The following GPR158 variants were observed in gnomAD, a reference collection of about 807,000 sequenced individuals.
GPR158 encodes metabotropic glycine receptor.
GPR158 carries 30 observed loss-of-function variants against 78.2 expected under a neutral mutation model. The ratio of observed to expected loss-of-function variants is 0.38; its 90% CI spans 0.29 to 0.52. GPR158 has a LOEUF of 0.52. Among genes scored for constraint, GPR158 ranks in the 20% least tolerant of loss-of-function variants. The pLI is 0.83. For synonymous variants in GPR158, 581 were observed against 591.1 expected (o/e 0.98, Z 0.25); for missense variants, 1,463 against 1,523.5 (o/e 0.96, Z 0.66).
At chr10:25,445,031 T>C (rs1230853754) in intron 4 of GPR158, among the ~76,000 whole-genome samples, 3 of 152,134 alleles carry the variant, frequency 2.0e-5, no homozygotes, top group African/African-American at 7.2e-5. Context: ...ATAACTAATA[T>C]TTAAACTTGA....
Position 25,598,584 on chromosome 10 carries a change from C to T in GPR158, c.2958C>T (p.Ala986=). ...AACAAAGGGTCAACCCCACCACTGC[C>T]AATTCTGACCTGAACCCAGGCACCA... is the stretch of plus-strand genomic sequence containing the variant. ...MKQQRVNPTT[A]NSDLNPGTTQ... is the part of the protein sequence containing the mutation. The change falls in exon 11 of 11, where the codon GCC becomes GCT. Residue 986 remains alanine (A), a synonymous_variant. Coordinates refer to ENST00000376351, the MANE Select transcript of GPR158 (RefSeq NM_020752.3). 1 of 1,613,940 alleles carries T rather than the reference C, an allele frequency of 6.2e-7. No homozygotes were observed. The highest frequency in any genetic ancestry group is 2.2e-5 in the East Asian group (1 of 44,844).
chr10:25,318,400 A>C (rs907419690), intron 2 of GPR158, among the ~76,000 whole-genome samples: 1 of 151,566 alleles, frequency 6.6e-6, no homozygotes, highest in Non-Finnish European at 1.5e-5. Flanking sequence ...ATCTATTAGG[A>C]CTTCTTTCTC....
chr10:25,206,865 A>G (rs1853046393), intron 1 of GPR158, among the ~76,000 whole-genome samples: 1 of 150,756 alleles, frequency 6.6e-6, no homozygotes, highest in Admixed American at 6.6e-5. Context: ...TTGTGAGCTA[A>G]CAAGCTTATT....
chr10:25,574,341 C>T (rs12246035), intron 7 of GPR158, among the ~76,000 whole-genome samples: 70,763 of 151,598 alleles, frequency 0.47, 16,974 homozygotes, highest in African/African-American at 0.54. Flanking sequence ...ATTATATAAT[C>T]GATAGTAACC....
intron 5 of GPR158, among the ~76,000 whole-genome samples, chr10:25,544,263 T>G (rs908339573): frequency 2.0e-5 from 3 of 150,698 alleles, no homozygotes; most frequent in Admixed American, 2.0e-4. Context: ...GCCCCTAGTA[T>G]CAGAAAGAGA....
chr10:25,334,982 G>C (rs1280024190), intron 2 of GPR158, among the ~76,000 whole-genome samples: 2 of 152,026 alleles, frequency 1.3e-5, no homozygotes, highest in Non-Finnish European at 2.9e-5. Flanking sequence ...GGATCTCATA[G>C]TGAATGCAAA....
intron 5 of GPR158, among the ~76,000 whole-genome samples, chr10:25,519,786 T>C (rs1836233803): frequency 1.3e-5 from 1 of 79,212 alleles, no homozygotes; most frequent in Non-Finnish European, 2.2e-5. Context: ...ACCCGACCTT[T>C]CTCTCTGGCT....
At chr10:25,241,295 T>TTTC in intron 2 of GPR158, among the ~76,000 whole-genome samples, 8 of 101,224 alleles carry the variant, frequency 7.9e-5, no homozygotes, top group African/African-American at 3.4e-4. Context: ...TTTTCTTTTC[T>TTTC]TTTCTTTTCT....
intron 4 of GPR158, among the ~76,000 whole-genome samples, chr10:25,438,638 A>G (rs962975474): frequency 2.6e-5 from 4 of 152,236 alleles, no homozygotes; most frequent in African/African-American, 9.6e-5. Flanking sequence ...GTCATACTGC[A>G]AACCACTGTT....
intron 7 of GPR158, among the ~76,000 whole-genome samples, chr10:25,573,652 C>T (rs188255215): frequency 2.0e-4 from 31 of 152,280 alleles, no homozygotes; most frequent in African/African-American, 7.5e-4. Flanking sequence ...TTTATTGTTC[C>T]CCTCAGTAAG....
intron 2 of GPR158, among the ~76,000 whole-genome samples, chr10:25,321,964 C>T (rs993205939): frequency 1.5e-4 from 23 of 152,192 alleles, no homozygotes; most frequent in African/African-American, 5.1e-4. Flanking sequence ...ATTTTTCTCT[C>T]TTTTATTCTG....
chr10:25,260,571 T>C (rs1437717471), intron 2 of GPR158, among the ~76,000 whole-genome samples: 1 of 152,112 alleles, frequency 6.6e-6, no homozygotes, highest in East Asian at 1.9e-4. Flanking sequence ...ACTTGTATTA[T>C]TCTTTTGGTG....
At position 25,175,737 on chromosome 10, in the gene GPR158, C is replaced by T. The variant is rs750436450; in HGVS notation, c.317C>T (p.Ala106Val). 3.1e-6 allele frequency: 5 copies of T among 1,611,268 alleles called. No homozygotes were observed. Among genetic ancestry groups the T allele is most frequent in the East Asian group, 2.2e-5 (1 of 44,858 alleles). Reference sequence around the variant, plus strand: ...AACTGCTCCGGCCGCTACGAGTTGGCGGGCCTGCCGGGGAAGTGGCCAGCC... The same window carrying T: ...AACTGCTCCGGCCGCTACGAGTTGGTGGGCCTGCCGGGGAAGTGGCCAGCC... ...RANCSGRYEL[A>V]GLPGKWPALA... The change falls in exon 1 of 11, where the codon GCG becomes GTG. Residue 106 changes from alanine to valine, a missense_variant. By Grantham distance (64) the Ala-to-Val change is moderately conservative. Transcript: ENST00000376351. This position sits in a 1 kb window ranked among gnomAD's most constrained non-coding sequence, Gnocchi z 6.4.
At chr10:25,384,217 T>C (rs528692105) in intron 2 of GPR158, among the ~76,000 whole-genome samples, 155 of 152,234 alleles carry the variant, frequency 1.0e-3, no homozygotes, top group Admixed American at 6.0e-3. Flanking sequence ...AGGATTAAAA[T>C]AGCCTATAGT....
At chr10:25,441,724 T>G (rs1471966109) in intron 4 of GPR158, among the ~76,000 whole-genome samples, 1 of 152,198 alleles carries the variant, frequency 6.6e-6, no homozygotes, top group African/African-American at 2.4e-5. Flanking sequence ...TTGAAAATTA[T>G]TTTTTATATC....
chr10:25,429,947 G>A (rs1357401287), intron 4 of GPR158, among the ~76,000 whole-genome samples: 2 of 137,246 alleles, frequency 1.5e-5, no homozygotes, highest in East Asian at 2.0e-4. Context: ...TTGAAAACTG[G>A]CACAAGACAG....
intron 2 of GPR158, among the ~76,000 whole-genome samples, chr10:25,296,694 A>C (rs1854520382): frequency 6.6e-6 from 1 of 151,914 alleles, no homozygotes; most frequent in African/African-American, 2.4e-5. Context: ...TAAGTGCTTT[A>C]CAAGTATTAA....
intron 5 of GPR158, among the ~76,000 whole-genome samples, chr10:25,523,499 A>G (rs1836305773): frequency 6.6e-6 from 1 of 152,212 alleles, no homozygotes; most frequent in Non-Finnish European, 1.5e-5. Context: ...TTTGCCAGGT[A>G]AAGTTTTTAT....
chr10:25,453,508 A>G (rs143296970), intron 4 of GPR158, among the ~76,000 whole-genome samples: 1 of 152,208 alleles, frequency 6.6e-6, no homozygotes, highest in East Asian at 1.9e-4. Context: ...TGTTGAGCAC[A>G]TTTTCATATA....
Sources: gnomAD v4.1 joint callset for allele counts (sites outside exome capture counted in the v4.1 genomes callset) on GRCh38, gnomAD v4.1.1 for gene constraint, Gnocchi (gnomAD v3.1) non-coding constraint, MANE v1.5 for transcripts, NCBI Gene and HGNC (gene_info 2026-07-23, HGNC 2026-07-21) for gene names.